Variants in CERK observed in about 807,000 individuals in gnomAD.
CERK encodes the protein acylsphingosine kinase.
A neutral mutation model predicts 63.4 loss-of-function variants in CERK; 39 were observed. The observed-to-expected ratio is 0.61, with a 90% CI of 0.48 to 0.80. The LOEUF (loss-of-function observed/expected upper bound fraction) is 0.80, where lower values mean the gene tolerates loss of function less well. CERK is among the 30% of genes least tolerant of loss of function. The pLI, the probability that CERK is intolerant of heterozygous loss-of-function variation, is 0.00. For synonymous variants in CERK, 302 were observed against 280.0 expected (o/e 1.08, Z -0.78); for missense variants, 670 against 714.1 (o/e 0.94, Z 0.70).
chr22:46,713,616 AC>A (rs1412077855), intron 3 of CERK, among the ~76,000 whole-genome samples: 56 of 152,032 alleles, frequency 3.7e-4, no homozygotes, highest in Admixed American at 3.7e-3. Context: ...AACGCCCATC[AC>A]CTGAAGAAGA....
At chr22:46,731,739 G>C (rs112035025) in intron 1 of CERK, among the ~76,000 whole-genome samples, 23 of 152,324 alleles carry the variant, frequency 1.5e-4, no homozygotes, top group African/African-American at 5.5e-4. Flanking sequence ...AGCAGGTGGG[G>C]GCAGGGCCAG....
At position 46,699,441 on chromosome 22, in the gene CERK, G is replaced by A. The variant is rs765811086; in HGVS notation, c.815C>T (p.Ser272Phe). Reference protein sequence around the residue: ...VVGDSLAMDVSSVHHNSTLLR... With the variant: ...VVGDSLAMDVFSVHHNSTLLR... ...GAGTGTGCTGTTGTGGTGGACTGAG[G>A]ACACATCCATGGCCAGCGAGTCCCC... The change falls in exon 8 of 13, where the codon TCC becomes TTC. Residue 272 changes from serine (S) to phenylalanine (F), a missense_variant. Ser to Phe is a radical substitution (Grantham distance 155, BLOSUM62 -2). Transcript: ENST00000216264. 76 of 1,614,162 alleles carry A rather than the reference G, an allele frequency of 4.7e-5. No individual in the cohort carries two copies. Among genetic ancestry groups the A allele is most frequent in the Non-Finnish European group, 6.3e-5 (74 of 1,180,012 alleles).
At chr22:46,727,445 G>T (rs1266640327) in intron 1 of CERK, among the ~76,000 whole-genome samples, 3 of 67,852 alleles carry the variant, frequency 4.4e-5, no homozygotes, top group East Asian at 1.1e-3. Flanking sequence ...ATGCCCAGCT[G>T]TTTCTTTTTT....
At position 46,699,430 on chromosome 22, in the gene CERK, G is replaced by A. The variant is rs777303939; in HGVS notation, c.826C>T (p.His276Tyr). 9.3e-6 allele frequency: 15 copies of A among 1,614,060 alleles called. No individual in the cohort carries two copies. The African/African-American group carries it at 1.9e-4, about 20-fold the overall frequency. Residue 276 changes from histidine (H) to tyrosine (Y), a missense_variant, in exon 8 of 13, where the codon CAC becomes TAC. By Grantham distance (83) the His-to-Tyr change is moderately conservative. Transcript: ENST00000216264. ...SLAMDVSSVH[H>Y]NSTLLRYSVS... The stretch of plus-strand genomic sequence containing the variant: ...GAGTAGCGAAGGAGTGTGCTGTTGT[G>A]GTGGACTGAGGACACATCCATGGCC...
intron 11 of CERK, 52 bp downstream of exon 11, chr22:46,691,519 TG>T: frequency 6.9e-7 from 1 of 1,448,170 alleles, no homozygotes; most frequent in Non-Finnish European, 9.6e-7. Context: ...CAGGGACTGC[TG>T]GAACATAAAT....
At chr22:46,712,031 G>A in intron 4 of CERK, 137 bp downstream of exon 4, 1 of 881,192 alleles carries the variant, frequency 1.1e-6, no homozygotes. Flanking sequence ...AGGTTACAGT[G>A]ACCCACAATT....
chr22:46,725,464 G>A (rs996838053), intron 1 of CERK, among the ~76,000 whole-genome samples: 11 of 152,118 alleles, frequency 7.2e-5, no homozygotes, highest in Admixed American at 4.6e-4. Context: ...TCAAATTGCC[G>A]GCACCAAGCA....
At chr22:46,733,897 C>G (rs1198513004) in intron 1 of CERK, among the ~76,000 whole-genome samples, 2 of 151,782 alleles carry the variant, frequency 1.3e-5, no homozygotes, top group African/African-American at 4.8e-5. Flanking sequence ...CAAAAATTAG[C>G]TGGTGGCAGG....
At chr22:46,695,470 T>C (rs966646275) in intron 8 of CERK, among the ~76,000 whole-genome samples, 155 bp from the exon 9 acceptor site, 2 of 152,230 alleles carry the variant, frequency 1.3e-5, no homozygotes, top group African/African-American at 2.4e-5. Context: ...CATGTCACCA[T>C]TGAAGGCAGT....
chr22:46,715,845 C>T (rs2082863559), intron 3 of CERK, among the ~76,000 whole-genome samples: 1 of 152,102 alleles, frequency 6.6e-6, no homozygotes, highest in African/African-American at 2.4e-5. Context: ...TTGGAGTAGA[C>T]AAAGATATCT....
At chr22:46,695,627 A>T (rs1367916881) in intron 8 of CERK, among the ~76,000 whole-genome samples, 1 of 152,194 alleles carries the variant, frequency 6.6e-6, no homozygotes, top group Middle Eastern at 3.2e-3. Flanking sequence ...CACCCCTCAT[A>T]GCCTCGATGA....
chr22:46,698,696 G>A (rs1331086039), intron 8 of CERK, among the ~76,000 whole-genome samples: 1 of 151,468 alleles, frequency 6.6e-6, no homozygotes, highest in Non-Finnish European at 1.5e-5. Context: ...TTTGAGACCA[G>A]CCTGGGCAAC....
At chr22:46,726,902 C>T (rs2146589925) in intron 1 of CERK, among the ~76,000 whole-genome samples, 1 of 152,332 alleles carries the variant, frequency 6.6e-6, no homozygotes, top group East Asian at 1.9e-4. Flanking sequence ...CCAGACGCGA[C>T]TGCGTGTCCC....
At chr22:46,688,357 T>C (rs542712287) in intron 12 of CERK, among the ~76,000 whole-genome samples, 3 of 152,346 alleles carry the variant, frequency 2.0e-5, no homozygotes, top group Non-Finnish European at 2.9e-5. Context: ...TTCAAATTAT[T>C]CTATTTCTTT....
chr22:46,687,276 T>G lies in CERK; in HGVS notation c.1542-70A>C. 4.2e-6 allele frequency: 3 copies of G among 720,876 alleles called. No individual in the cohort carries two copies. In the Admixed American group the frequency reaches 1.1e-4, roughly 26 times the overall value. 44.7% of individuals were successfully genotyped at this position (720,876 alleles called of 1,614,324 possible). On this transcript the variant is annotated intron_variant, in intron 12 of 12. Transcript: ENST00000216264. ...TCAAAGCTGGCCTGAGCCCCACTCC[T>G]GGACAGGGGCTGCAGTAAACCCCAC... is the stretch of plus-strand genomic sequence containing the variant.
chr22:46,691,756 A>T lies in CERK; in HGVS notation c.1148T>A (p.Val383Asp), dbSNP rs1355351746. ...GATGGCCAGAAACTTCCCACAGACGACTTGCCACTCCTCCACGTCCTCTGA... is the reference window on the plus strand; with the variant it reads ...GATGGCCAGAAACTTCCCACAGACGTCTTGCCACTCCTCCACGTCCTCTGA... ...EAAEDVEEWQ[V>D]VCGKFLAINA... Residue 383 changes from valine (V) to aspartate (D), a missense_variant, in exon 11 of 13, where the codon GTC becomes GAC. By Grantham distance (152) the Val-to-Asp change is radical. Coordinates refer to ENST00000216264, the MANE Select transcript of CERK (RefSeq NM_022766.6). 1 of 1,611,792 alleles carries T rather than the reference A, an allele frequency of 6.2e-7. No homozygotes were observed. The highest frequency in any genetic ancestry group is 8.5e-7 in the Non-Finnish European group (1 of 1,178,162).
intron 4 of CERK, among the ~76,000 whole-genome samples, chr22:46,711,628 T>A (rs867134585): frequency 6.6e-6 from 1 of 152,220 alleles, no homozygotes; most frequent in African/African-American, 2.4e-5. Context: ...TCTCCTCTTT[T>A]GAGAATTTTC....
rs138466003 is a variant in CERK, at chr22:46,720,123, C to T, written c.342G>A (p.Leu114=). 5.8e-5 allele frequency: 94 copies of T among 1,614,140 alleles called. No individual in the cohort carries two copies. The African/African-American group carries it at 1.2e-3, about 20-fold the overall frequency. The part of the protein sequence containing the change: ...FWCPEEQLCH[L]WLQTLREMLE... ...GCATCTCCCGCAGGGTCTGCAGCCA[C>T]AAGTGACACAGCTGCTCCTCTGGAC... Residue 114 remains leucine (L), a synonymous_variant, in exon 3 of 13, where the codon TTG becomes TTA. Coordinates refer to ENST00000216264, the MANE Select transcript of CERK (RefSeq NM_022766.6).
intron 1 of CERK, among the ~76,000 whole-genome samples, chr22:46,727,287 CTTT>C (rs953552357): frequency 6.8e-6 from 1 of 146,594 alleles, no homozygotes; most frequent in African/African-American, 2.5e-5. Flanking sequence ...GTCTCCTCTT[CTTT>C]TTTTTTTTGA....
Sources: allele counts gnomAD v4.1 joint callset (sites outside exome capture counted in the v4.1 genomes callset), GRCh38; gene constraint gnomAD v4.1.1; transcripts MANE v1.5; gene names NCBI Gene and HGNC (gene_info 2026-07-23, HGNC 2026-07-21).